CACNA1D: variants seen among roughly 807,000 people sequenced by gnomAD.
The protein encoded by CACNA1D is voltage-dependent L-type calcium channel subunit alpha-1D.
A neutral mutation model predicts 257.1 loss-of-function variants in CACNA1D; 55 were observed. The observed-to-expected ratio is 0.21, with a 90% CI of 0.17 to 0.27. CACNA1D has a LOEUF of 0.27. Among genes scored for constraint, CACNA1D ranks in the 10% least tolerant of loss-of-function variants. The pLI is 1.00. For missense variants in CACNA1D, 1,876 were observed against 2,784.0 expected, an observed-to-expected ratio of 0.67 and a Z score of 7.34; for synonymous variants, 980 against 1,014.9, an observed-to-expected ratio of 0.97 and a Z score of 0.65.
chr3:53,580,828 G>T (rs1326166416), intron 3 of CACNA1D, among the ~76,000 whole-genome samples: 1 of 152,192 alleles, frequency 6.6e-6, no homozygotes, highest in African/African-American at 2.4e-5. Flanking sequence ...AGTTTCTTCA[G>T]TTCTCAAAAT....
Position 53,723,395 on chromosome 3 carries a change from C to A in CACNA1D, c.1667-39C>A. 6.7e-7 allele frequency: 1 copy of A among 1,498,042 alleles called. No homozygotes were observed. The highest frequency in any genetic ancestry group is 9.3e-7 in the Non-Finnish European group (1 of 1,074,184). 92.8% of individuals were successfully genotyped at this position (1,498,042 alleles called of 1,614,324 possible). ...GGGCACGAGCAGTCTGAGTGTCTTGCAGGAGACCCTGAGGATGGGTGCCCC... is the reference window on the plus strand; with the variant it reads ...GGGCACGAGCAGTCTGAGTGTCTTGAAGGAGACCCTGAGGATGGGTGCCCC... On this transcript the variant is annotated intron_variant, in intron 12 of 47. Transcript: ENST00000350061. The surrounding 1 kb of genome is among the most constrained non-coding windows in gnomAD (Gnocchi z 5.6).
At chr3:53,740,232 G>C in intron 20 of CACNA1D, 48 bp from the exon 21 acceptor site, 1 of 1,304,562 alleles carries the variant, frequency 7.7e-7, no homozygotes, top group Non-Finnish European at 1.1e-6. Context: ...GCAGATGTCA[G>C]AGTTTGTCTG....
chr3:53,702,493 C>A, intron 8 of CACNA1D, 148 bp from the exon 9 acceptor site: 2 of 750,554 alleles, frequency 2.7e-6, no homozygotes, highest in Admixed American at 2.2e-5. Context: ...CTGTCCTGTC[C>A]AAGTGTGTGG....
At chr3:53,735,682 G>C (rs1215660222) in intron 20 of CACNA1D, among the ~76,000 whole-genome samples, 179 bp downstream of exon 20, 2 of 152,208 alleles carry the variant, frequency 1.3e-5, no homozygotes, top group African/African-American at 4.8e-5. Flanking sequence ...TTTTAGCTGG[G>C]TAAATCTGAA....
chr3:53,532,021 C>T (rs766832100), intron 3 of CACNA1D, among the ~76,000 whole-genome samples: 7 of 152,202 alleles, frequency 4.6e-5, no homozygotes, highest in Non-Finnish European at 7.3e-5. Context: ...AGTAAGCGCT[C>T]TCCCAAAGGA....
chr3:53,608,039 C>T (rs940971188), intron 3 of CACNA1D, among the ~76,000 whole-genome samples: 2 of 152,074 alleles, frequency 1.3e-5, no homozygotes, highest in Non-Finnish European at 2.9e-5. Context: ...ATAAAAATAG[C>T]CCTGTTTAGA....
chr3:53,665,635 A>G, intron 5 of CACNA1D, 25 bp from the exon 6 acceptor site: 1 of 1,606,602 alleles, frequency 6.2e-7, no homozygotes, highest in Non-Finnish European at 8.5e-7. Flanking sequence ...TGGCTCACAA[A>G]CTTATTTTTT....
intron 3 of CACNA1D, among the ~76,000 whole-genome samples, chr3:53,562,660 C>A (rs564501019): frequency 1.3e-5 from 2 of 152,074 alleles, no homozygotes; most frequent in Non-Finnish European, 1.5e-5. Context: ...TGCCTCCCCC[C>A]CCAAATTCTC....
chr3:53,784,173 C>T (rs567453760), intron 39 of CACNA1D, among the ~76,000 whole-genome samples: 54 of 152,290 alleles, frequency 3.5e-4, no homozygotes, highest in African/African-American at 1.2e-3. Flanking sequence ...AGTGCTGAGC[C>T]GCCTCATCTC....
At chr3:53,708,078 G>A (rs996671801) in intron 9 of CACNA1D, among the ~76,000 whole-genome samples, 3 of 152,236 alleles carry the variant, frequency 2.0e-5, no homozygotes, top group African/African-American at 7.2e-5. Flanking sequence ...GGAGCAGGTT[G>A]CCCTAGCTGC....
chr3:53,594,480 C>T (rs2093346404), intron 3 of CACNA1D, among the ~76,000 whole-genome samples: 1 of 152,176 alleles, frequency 6.6e-6, no homozygotes. Context: ...AAAGGTCAGC[C>T]TGGAGCTTCC....
In CACNA1D at chr3:53,805,027, A is replaced by G. The variant is rs965633940; in HGVS notation, c.5630A>G (p.Asp1877Gly). Residue 1877 changes from aspartate to glycine, a missense_variant, in exon 45 of 48, where the codon GAC becomes GGC. This residue lies in a region of CACNA1D where 491 missense variants were observed against 554.3 expected (regional missense o/e 0.89). Transcript: ENST00000350061. ...AGCAGATACCCAGGCAGAAACATCG[A>G]CTCTGAGAGGCCCCGAGGCTACCAT... ...YYSRYPGRNI[D>G]SERPRGYHHP... 5.6e-6 allele frequency: 9 copies of G among 1,613,898 alleles called. No homozygotes were observed. Among genetic ancestry groups the G allele is most frequent in the Non-Finnish European group, 7.6e-6 (9 of 1,179,976 alleles).
At chr3:53,667,632 G>A (rs900570357) in intron 7 of CACNA1D, among the ~76,000 whole-genome samples, 2 of 152,076 alleles carry the variant, frequency 1.3e-5, no homozygotes, top group African/African-American at 2.4e-5. Flanking sequence ...TTATAAATAG[G>A]TTTTTGCTGC....
At chr3:53,788,210 G>A (rs1441872293) in intron 40 of CACNA1D, among the ~76,000 whole-genome samples, 1 of 152,208 alleles carries the variant, frequency 6.6e-6, no homozygotes. Context: ...TTGTGTAACA[G>A]TGACCTGCTG....
chr3:53,635,037 G>A (rs983631231), intron 3 of CACNA1D, among the ~76,000 whole-genome samples: 7 of 152,142 alleles, frequency 4.6e-5, no homozygotes, highest in African/African-American at 1.7e-4. Context: ...TTACAGCCTC[G>A]GGCTCTGTGG....
chr3:53,790,948 A>G (rs1392885938), intron 40 of CACNA1D: 1 of 702,308 alleles, frequency 1.4e-6, no homozygotes, highest in Non-Finnish European at 2.6e-6. Flanking sequence ...ATGCTAACAG[A>G]TGAGATTTCA....
intron 3 of CACNA1D, among the ~76,000 whole-genome samples, chr3:53,645,211 G>C (rs892731225): frequency 1.3e-5 from 2 of 152,056 alleles, no homozygotes; most frequent in Non-Finnish European, 2.9e-5. Context: ...ATCTATTTTT[G>C]ATATTAACCC....
intron 7 of CACNA1D, among the ~76,000 whole-genome samples, chr3:53,667,287 T>G (rs1017648567): frequency 6.6e-6 from 1 of 152,178 alleles, no homozygotes; most frequent in African/African-American, 2.4e-5. Flanking sequence ...TAAAAATAAG[T>G]GCTATAGCAT....
intron 3 of CACNA1D, among the ~76,000 whole-genome samples, chr3:53,582,461 A>G (rs1026008233): frequency 6.6e-6 from 1 of 152,076 alleles, no homozygotes; most frequent in African/African-American, 2.4e-5. Flanking sequence ...TATTGGGGGT[A>G]TAGGGAGCTG....
Sources: allele counts gnomAD v4.1 joint callset (sites outside exome capture counted in the v4.1 genomes callset), GRCh38; gene constraint gnomAD v4.1.1; regional missense constraint gnomAD v4.1.1; non-coding constraint Gnocchi (gnomAD v3.1); transcripts MANE v1.5; gene names NCBI Gene and HGNC (gene_info 2026-07-23, HGNC 2026-07-21).